Variants in SCNN1A observed in about 807,000 individuals in gnomAD.
SCNN1A encodes the protein epithelial sodium channel subunit alpha.
Under a neutral mutation model 68.6 loss-of-function variants are expected in SCNN1A, and 65 were observed. The ratio of observed to expected loss-of-function variants is 0.95; its 90% CI spans 0.78 to 1.16. SCNN1A has a LOEUF of 1.16. SCNN1A is among the 50% of genes most tolerant of loss of function. The pLI is 0.00. For missense variants in SCNN1A, 880 were observed against 865.9 expected (o/e 1.02, Z -0.20); for synonymous variants, 357 against 353.3 (o/e 1.01, Z -0.12).
chr12:6,355,818 T>C lies in SCNN1A; in HGVS notation c.938A>G (p.Asn313Ser), dbSNP rs773885589. 9 of 1,613,612 alleles carry C rather than the reference T, an allele frequency of 5.6e-6. No individual in the cohort carries two copies. Among genetic ancestry groups the C allele is most frequent in the Non-Finnish European group, 7.6e-6 (9 of 1,179,598 alleles). ...GNCYTFNDKN[N>S]SNLWMSSMPG... Reference sequence around the variant, plus strand: ...CATGGAAGACATCCAGAGGTTGGAGTTGTTCTTGTCATTGAAAGTATAGCA... The same window carrying C: ...CATGGAAGACATCCAGAGGTTGGAGCTGTTCTTGTCATTGAAAGTATAGCA... Residue 313 changes from asparagine (N) to serine (S), a missense_variant, in exon 5 of 13, where the codon AAC (asparagine) becomes AGC (serine). By Grantham distance (46) the Asn-to-Ser change is conservative. This residue lies in a region of SCNN1A where 758 missense variants were observed against 721.8 expected (regional missense o/e 1.05). Coordinates refer to ENST00000228916, the MANE Select transcript of SCNN1A (RefSeq NM_001038.6).
At chr12:6,357,724 G>A (rs1417474792) in intron 4 of SCNN1A, among the ~76,000 whole-genome samples, 2 of 151,840 alleles carry the variant, frequency 1.3e-5, no homozygotes, top group African/African-American at 2.4e-5. Context: ...TCAGCCAGGC[G>A]CAGTGGCTGA....
intron 12 of SCNN1A, 41 bp downstream of exon 12, chr12:6,348,686 G>T: frequency 6.5e-7 from 1 of 1,541,712 alleles, no homozygotes; most frequent in African/African-American, 1.4e-5. Context: ...TGCTAAGTAA[G>T]ACCCCCAGAG....
Position 6,354,872 on chromosome 12 carries a change from G to T in SCNN1A, c.1144-24C>A, listed in dbSNP as rs1157313375. The T allele has an allele frequency of 8.8e-6, 14 of 1,589,360 alleles. No homozygotes were observed. The Admixed American group carries it at 2.3e-4, about 27-fold the overall frequency. Reference sequence around the variant, plus strand: ...TCCTATGAACCCACATACACCAAGAGATCAGAGGACAGAGCAAGTGCCTCT... The same window carrying T: ...TCCTATGAACCCACATACACCAAGATATCAGAGGACAGAGCAAGTGCCTCT... On this transcript the variant is annotated intron_variant, in intron 6 of 12. Transcript: ENST00000228916.
chr12:6,365,346 A>G (rs1948658709), intron 2 of SCNN1A, among the ~76,000 whole-genome samples: 1 of 152,206 alleles, frequency 6.6e-6, no homozygotes, highest in Non-Finnish European at 1.5e-5. Flanking sequence ...AAAGAAATTG[A>G]CATACTGCTT....
intron 2 of SCNN1A, among the ~76,000 whole-genome samples, chr12:6,369,342 ACCTCCCTCCTGCCACCCTACGCG>A (rs764497992): frequency 0.075 from 9,814 of 130,034 alleles, 505 homozygotes; most frequent in East Asian, 0.18. Context: ...CACCCTACGC[ACCTCCCTCCTGCCACCCTACGCG>A]CCTCCCTCCT....
At chr12:6,355,148 C>G in intron 6 of SCNN1A, 124 bp downstream of exon 6, 3 of 1,111,344 alleles carry the variant, frequency 2.7e-6, no homozygotes, top group Non-Finnish European at 4.0e-6. Context: ...CATTCCTGCT[C>G]CTGAAGACCT....
chr12:6,365,780 G>C (rs1372750398), intron 2 of SCNN1A, among the ~76,000 whole-genome samples: 2 of 152,172 alleles, frequency 1.3e-5, no homozygotes, highest in East Asian at 3.8e-4. Context: ...CCTGACCTTG[G>C]GGTAGGCAAA....
At chr12:6,358,285 G>C (rs115745768) in intron 4 of SCNN1A, among the ~76,000 whole-genome samples, 1 of 152,278 alleles carries the variant, frequency 6.6e-6, no homozygotes, top group African/African-American at 2.4e-5. Context: ...ACAGACAACA[G>C]CATGAGGAGG....
chr12:6,366,212 A>G (rs1364594640), intron 2 of SCNN1A, among the ~76,000 whole-genome samples: 3 of 152,184 alleles, frequency 2.0e-5, no homozygotes, highest in African/African-American at 7.2e-5. Context: ...AGAATATAAA[A>G]TGATACGATC....
intron 3 of SCNN1A, 122 bp from the exon 4 acceptor site, chr12:6,362,363 G>T: frequency 1.2e-6 from 1 of 864,324 alleles, no homozygotes. Context: ...TCGGAAGCCA[G>T]GAGTGGGGAA....
rs72657540 is a variant in SCNN1A at position 6,348,087 on chromosome 12, C to A, written c.1796G>T (p.Gly599Val). Residue 599 changes from glycine to valine, a missense_variant, in exon 13 of 13, where the codon GGC becomes GTC. This residue lies in a region of SCNN1A where 758 missense variants were observed against 721.8 expected (regional missense o/e 1.05). Transcript: ENST00000228916. ...RSRYWSPGRG[G>V]RGAQEVASTL... ...GGAGGCTACCTCCTGAGCACCCCTG[C>A]CCCCTCGGCCTGGAGACCAGTATCG... is the stretch of plus-strand genomic sequence containing the variant. 6.2e-7 allele frequency: 1 copy of A among 1,614,106 alleles called. No individual in the cohort carries two copies. Among genetic ancestry groups the A allele is most frequent in the South Asian group, 1.1e-5 (1 of 91,082 alleles).
chr12:6,372,347 G>A lies in SCNN1A; in HGVS notation c.416+2021C>T, dbSNP rs1948807662. ...ATGTGACTACAAGGTCAAGTGTGTA[G>A]TGCTTGGTGGGTGTTGCATCTCCTC... On this transcript the variant is annotated intron_variant, in intron 2 of 12. Coordinates refer to ENST00000228916, the MANE Select transcript of SCNN1A (RefSeq NM_001038.6). This position sits in a 1 kb window ranked among gnomAD's most constrained non-coding sequence, Gnocchi z 5.8. Among the ~76,000 whole-genome samples the A allele has an allele frequency of 6.6e-6, 1 of 152,178 alleles. No individual in the cohort carries two copies. Among genetic ancestry groups the A allele is most frequent in the Admixed American group, 6.5e-5 (1 of 15,282 alleles).
chr12:6,348,622 TC>T, intron 12 of SCNN1A, 104 bp downstream of exon 12: 1 of 1,029,636 alleles, frequency 9.7e-7, no homozygotes, highest in Non-Finnish European at 1.5e-6. Context: ...CCTTTGAGAC[TC>T]AGAGCCTTCT....
chr12:6,351,758 GTTTA>G lies in SCNN1A; in HGVS notation c.1361-2357_1361-2354del, dbSNP rs571900408. Among the ~76,000 whole-genome samples, 22 of 142,058 alleles carry G rather than the reference GTTTA, an allele frequency of 1.5e-4. No homozygotes were observed. The highest frequency in any genetic ancestry group is 7.8e-4 in the East Asian group (4 of 5,150). The allele number at this position is 142,058 out of a possible 152,430, so 93.2% of individuals were successfully genotyped here. On this transcript the variant is annotated intron_variant, in intron 8 of 12. Transcript: ENST00000228916. This position sits in a 1 kb window ranked among gnomAD's most constrained non-coding sequence, Gnocchi z 4.2. ...CTTGGGACTTGCTAATGAGTACAAGGTTTATTTATTTATTTATCTGAGACAGGGT... is the reference window on the plus strand; with the variant it reads ...CTTGGGACTTGCTAATGAGTACAAGGTTTATTTATTTATCTGAGACAGGGT...
At chr12:6,352,300 A>C (rs1270853003) in intron 8 of SCNN1A, among the ~76,000 whole-genome samples, 1 of 152,134 alleles carries the variant, frequency 6.6e-6, no homozygotes, top group Non-Finnish European at 1.5e-5. Flanking sequence ...AATTCTAAGT[A>C]AGGTTATTTT....
At chr12:6,361,513 G>A (rs1457419482) in intron 4 of SCNN1A, among the ~76,000 whole-genome samples, 1 of 152,200 alleles carries the variant, frequency 6.6e-6, no homozygotes, top group Admixed American at 6.5e-5. Context: ...GCCAAGGCAG[G>A]CAGATCACCT....
chr12:6,365,775 C>T (rs993363243), intron 2 of SCNN1A, among the ~76,000 whole-genome samples: 2 of 152,206 alleles, frequency 1.3e-5, no homozygotes, highest in Non-Finnish European at 2.9e-5. Flanking sequence ...ATCTTCCTGA[C>T]CTTGGGGTAG....
chr12:6,376,638 G>A (rs1948915303), upstream of SCNN1A, among the ~76,000 whole-genome samples: 1 of 152,246 alleles, frequency 6.6e-6, no homozygotes, highest in South Asian at 2.1e-4. Context: ...AAAAGGATAA[G>A]GAGTGGAGTG....
intron 7 of SCNN1A, 93 bp from the exon 8 acceptor site, chr12:6,354,648 A>G: frequency 7.1e-7 from 1 of 1,408,858 alleles, no homozygotes; most frequent in Non-Finnish European, 1.0e-6. Context: ...ACCACCCCCC[A>G]GTTTCCCTCT....
Sources: allele counts gnomAD v4.1 joint callset (sites outside exome capture counted in the v4.1 genomes callset), GRCh38; gene constraint gnomAD v4.1.1; regional missense constraint gnomAD v4.1.1; non-coding constraint Gnocchi (gnomAD v3.1); transcripts MANE v1.5; gene names NCBI Gene and HGNC (gene_info 2026-07-23, HGNC 2026-07-21).